ARIH2: variants seen among roughly 807,000 people sequenced by gnomAD.
ARIH2 encodes E3 ubiquitin-protein ligase ARIH2.
ARIH2 carries 12 observed loss-of-function variants against 79.8 expected under a neutral mutation model. The observed-to-expected ratio is 0.15, with a 90% CI of 0.10 to 0.24. The LOEUF (loss-of-function observed/expected upper bound fraction) is 0.24. Ranked by LOEUF, ARIH2 falls within the 10% of genes least tolerant of loss-of-function variation. ARIH2 has a pLI of 1.00. For missense variants in ARIH2, 301 were observed against 618.3 expected, an observed-to-expected ratio of 0.49 and a Z score of 5.44; for synonymous variants, 224 against 213.9, an observed-to-expected ratio of 1.05 and a Z score of -0.41.
intron 1 of ARIH2, chr3:48,921,457 CG>C: frequency 7.8e-6 from 1 of 127,520 alleles, no homozygotes; most frequent in Non-Finnish European, 1.6e-5. Flanking sequence ...TTTTTTGACA[CG>C]GAGTCTCACT....
At chr3:48,956,358 C>G (rs572097202) in intron 3 of ARIH2, among the ~76,000 whole-genome samples, 2 of 148,736 alleles carry the variant, frequency 1.3e-5, no homozygotes, top group African/African-American at 5.0e-5. Context: ...AGGCTGGTCT[C>G]GAACTCCTGA....
chr3:48,919,176 A>C (rs2106725229), intron 1 of ARIH2, 178 bp downstream of exon 1: 1 of 1,298,402 alleles, frequency 7.7e-7, no homozygotes, highest in Admixed American at 3.4e-5. Context: ...CCGGGCGCCC[A>C]GCGTGTGTCT....
intron 6 of ARIH2, 58 bp downstream of exon 6, chr3:48,967,333 C>T: frequency 6.4e-7 from 1 of 1,555,190 alleles, no homozygotes; most frequent in Non-Finnish European, 8.8e-7. Flanking sequence ...TTTGACTCTG[C>T]CTTTTCATGT....
chr3:48,938,301 T>A (rs1416073029), intron 3 of ARIH2, among the ~76,000 whole-genome samples: 2 of 152,334 alleles, frequency 1.3e-5, no homozygotes, highest in African/African-American at 4.8e-5. Context: ...CCTCTGCTTC[T>A]TCTGTTTGTT....
chr3:48,948,330 G>A (rs1395873677), intron 3 of ARIH2, among the ~76,000 whole-genome samples: 3 of 151,550 alleles, frequency 2.0e-5, no homozygotes, highest in African/African-American at 7.3e-5. Context: ...GTGCAATGGC[G>A]CGATCTCGGC....
At chr3:48,940,231 G>A (rs574175691) in intron 3 of ARIH2, among the ~76,000 whole-genome samples, 2 of 152,092 alleles carry the variant, frequency 1.3e-5, no homozygotes, top group East Asian at 1.9e-4. Flanking sequence ...TTAGCTGGGC[G>A]TGGTGGCACA....
Position 48,980,486 on chromosome 3 carries a change from T to C in ARIH2, c.1247T>C (p.Leu416Pro). 1 of 1,614,016 alleles carries C rather than the reference T, an allele frequency of 6.2e-7. No homozygotes were observed. The highest frequency in any genetic ancestry group is 8.5e-7 in the Non-Finnish European group (1 of 1,179,942). ...DWQYLQNAAK[L>P]LAKCRYTLQY... is the part of the protein sequence containing the mutation. ...CAGTACCTACAGAATGCTGCCAAGCTCTTGGCCAAGGTATCTACCACTTCA... is the reference window on the plus strand; with the variant it reads ...CAGTACCTACAGAATGCTGCCAAGCCCTTGGCCAAGGTATCTACCACTTCA... The change falls in exon 13 of 16, where the codon CTC becomes CCC. Residue 416 changes from leucine to proline, a missense_variant. By Grantham distance (98) the Leu-to-Pro change is moderately conservative. Coordinates refer to ENST00000356401, the MANE Select transcript of ARIH2 (RefSeq NM_006321.4).
chr3:48,976,930 G>T lies in ARIH2; in HGVS notation c.961+1951G>T, dbSNP rs575051996. Among the ~76,000 whole-genome samples, 103 of 152,066 alleles carry T rather than the reference G, an allele frequency of 6.8e-4. 1 individual carries two copies. The highest frequency in any genetic ancestry group is 2.4e-3 in the African/African-American group (101 of 41,502). ...AAAAAAAAAAAACTGGCTGGGCGCG[G>T]TGGCTCACGCCTGTAATCCCAGCAC... On this transcript the variant is annotated intron_variant, in intron 11 of 15. Coordinates refer to ENST00000356401, the MANE Select transcript of ARIH2 (RefSeq NM_006321.4).
chr3:48,950,054 T>G (rs2089752223), intron 3 of ARIH2, among the ~76,000 whole-genome samples: 1 of 152,160 alleles, frequency 6.6e-6, no homozygotes, highest in South Asian at 2.1e-4. Flanking sequence ...TTTTATAGTT[T>G]TAGGTTTTAC....
chr3:48,942,951 CT>C (rs985985045), intron 3 of ARIH2, among the ~76,000 whole-genome samples: 30 of 151,846 alleles, frequency 2.0e-4, no homozygotes, highest in Middle Eastern at 3.4e-3. Flanking sequence ...GTGCCTGGCC[CT>C]AATTTTTGTA....
At chr3:48,978,175 A>G (rs2092604964) in intron 11 of ARIH2, among the ~76,000 whole-genome samples, 1 of 152,120 alleles carries the variant, frequency 6.6e-6, no homozygotes, top group African/African-American at 2.4e-5. Flanking sequence ...TGTTCATCCA[A>G]CAAAACTGTG....
chr3:48,944,878 C>A, intron 3 of ARIH2: 1 of 344,136 alleles, frequency 2.9e-6, no homozygotes, highest in South Asian at 2.2e-5. Flanking sequence ...CTGTCTTGAT[C>A]TCTTTAGGCT....
Position 48,982,940 on chromosome 3 carries a change from C to T in ARIH2, c.1371C>T (p.Leu457=). 1 of 1,614,232 alleles carries T rather than the reference C, an allele frequency of 6.2e-7. No homozygotes were observed. The highest frequency in any genetic ancestry group is 8.5e-7 in the Non-Finnish European group (1 of 1,180,044). ...QAQLEAEIEN[L]SWKVERADSY... is the part of the protein sequence containing the mutation. ...AGCTGGAGGCTGAGATCGAAAACCT[C>T]TCATGGAAAGTGGAGCGTGCAGACA... The change falls in exon 15 of 16, where the codon CTC becomes CTT. Residue 457 remains leucine, a synonymous_variant. Transcript: ENST00000356401.
chr3:48,966,929 C>A (rs529746086), intron 5 of ARIH2, among the ~76,000 whole-genome samples, 196 bp from the exon 6 acceptor site: 3 of 152,286 alleles, frequency 2.0e-5, no homozygotes, highest in Admixed American at 1.3e-4. Flanking sequence ...GCCCAGCTGC[C>A]ACCTCCTTCA....
intron 8 of ARIH2, 45 bp downstream of exon 8, chr3:48,970,749 A>G (rs2092175151): frequency 6.8e-7 from 1 of 1,469,484 alleles, no homozygotes; most frequent in Middle Eastern, 1.7e-4. Flanking sequence ...CTCATGCCCC[A>G]TCCTCCAAAG....
chr3:48,958,932 T>C (rs1328561420), intron 3 of ARIH2, among the ~76,000 whole-genome samples: 1 of 151,904 alleles, frequency 6.6e-6, no homozygotes, highest in African/African-American at 2.4e-5. Context: ...GGAGTATCAC[T>C]TGAGCCCAGG....
At chr3:48,934,871 A>C in intron 3 of ARIH2, 1 of 985,410 alleles carries the variant, frequency 1.0e-6, no homozygotes, top group Non-Finnish European at 1.2e-6. Context: ...ATTCAAGGCC[A>C]GCTTTCATTC....
At chr3:48,920,155 A>T (rs540385334) in intron 1 of ARIH2, among the ~76,000 whole-genome samples, 31 of 151,540 alleles carry the variant, frequency 2.0e-4, no homozygotes, top group Non-Finnish European at 3.1e-4. Flanking sequence ...AATTTGTAAA[A>T]TTTTTTGTGG....
chr3:48,941,208 AC>A (rs1475547383), intron 3 of ARIH2, among the ~76,000 whole-genome samples: 1 of 151,994 alleles, frequency 6.6e-6, no homozygotes, highest in Non-Finnish European at 1.5e-5. Context: ...TGATGTATGA[AC>A]ATTCTCCTTT....
Sources: allele counts gnomAD v4.1 joint callset (sites outside exome capture counted in the v4.1 genomes callset), GRCh38; gene constraint gnomAD v4.1.1; transcripts MANE v1.5; gene names NCBI Gene and HGNC (gene_info 2026-07-23, HGNC 2026-07-21).